NUP93: variants seen among roughly 807,000 people sequenced by gnomAD.
NUP93 encodes nucleoporin 93.
NUP93 carries 55 observed loss-of-function variants against 107.8 expected under a neutral mutation model. The observed-to-expected ratio is 0.51, with a 90% CI of 0.41 to 0.64. The LOEUF is 0.64. NUP93 is among the 30% of genes least tolerant of loss of function. The pLI is 0.00. For missense variants in NUP93, 937 were observed against 1,044.7 expected, an observed-to-expected ratio of 0.90 and a Z score of 1.42; for synonymous variants, 390 against 397.5, an observed-to-expected ratio of 0.98 and a Z score of 0.22.
At chr16:56,733,976 C>G (rs1335998280) in intron 1 of NUP93, among the ~76,000 whole-genome samples, 1 of 152,230 alleles carries the variant, frequency 6.6e-6, no homozygotes, top group Non-Finnish European at 1.5e-5. Context: ...TTATAGTCTT[C>G]TCTTCCTTCC....
At chr16:56,830,345 T>G (rs991516853) in intron 9 of NUP93, among the ~76,000 whole-genome samples, 183 bp from the exon 10 acceptor site, 1 of 152,178 alleles carries the variant, frequency 6.6e-6, no homozygotes, top group African/African-American at 2.4e-5. Flanking sequence ...ACTTAACCCC[T>G]CCATGCCTCA....
intron 10 of NUP93, among the ~76,000 whole-genome samples, chr16:56,831,310 A>C (rs1963781756): frequency 6.6e-6 from 1 of 152,214 alleles, no homozygotes. Context: ...CTTGTGAAAA[A>C]CTAGGATACT....
intron 3 of NUP93, among the ~76,000 whole-genome samples, chr16:56,778,763 G>A (rs1221999766): frequency 6.6e-6 from 1 of 152,178 alleles, no homozygotes; most frequent in East Asian, 1.9e-4. Flanking sequence ...TGATGTTCTG[G>A]TAAGCTATCA....
chr16:56,734,509 GC>G (rs1207745454), intron 1 of NUP93, among the ~76,000 whole-genome samples: 1 of 152,190 alleles, frequency 6.6e-6, no homozygotes, highest in African/African-American at 2.4e-5. Flanking sequence ...AGTGACGGGG[GC>G]TATTGAAGGT....
intron 1 of NUP93, chr16:56,741,004 G>GGGGAGA (rs762587890): frequency 0.37 from 54,411 of 145,190 alleles, 10,172 homozygotes; most frequent in East Asian, 0.54. Flanking sequence ...GGGAGACCGT[G>GGGGAGA]GGGAGAGGGA....
intron 6 of NUP93, among the ~76,000 whole-genome samples, chr16:56,820,874 C>A (rs1399455722): frequency 6.6e-6 from 1 of 152,160 alleles, no homozygotes; most frequent in Non-Finnish European, 1.5e-5. Flanking sequence ...TTAACTAGTT[C>A]TAAATCTAGA....
At chr16:56,751,196 A>G (rs9938244) in intron 2 of NUP93, among the ~76,000 whole-genome samples, 47,008 of 151,850 alleles carry the variant, frequency 0.31, 7,617 homozygotes, top group East Asian at 0.46. Context: ...AAAAGCCAGT[A>G]GTCACTCTTT....
intron 19 of NUP93, 139 bp from the exon 20 acceptor site, chr16:56,839,382 A>G: frequency 1.7e-6 from 1 of 589,556 alleles, no homozygotes; most frequent in Non-Finnish European, 2.9e-6. Flanking sequence ...GTTAGAATCA[A>G]AGCCTTTGTG....
intron 3 of NUP93, among the ~76,000 whole-genome samples, chr16:56,779,481 G>A (rs1283756442): frequency 1.1e-4 from 17 of 152,218 alleles, no homozygotes; most frequent in African/African-American, 3.9e-4. Flanking sequence ...TTTAGGAATA[G>A]ATCACTTTAT....
chr16:56,839,662 T>G (rs1361625222), intron 20 of NUP93, 58 bp downstream of exon 20: 5 of 1,364,662 alleles, frequency 3.7e-6, no homozygotes, highest in South Asian at 1.2e-5. Flanking sequence ...ACCAAAAGCT[T>G]TTTCTTTTCC....
intron 4 of NUP93, among the ~76,000 whole-genome samples, chr16:56,800,043 T>C (rs1485473330): frequency 1.3e-5 from 2 of 152,002 alleles, no homozygotes; most frequent in Admixed American, 1.3e-4. Flanking sequence ...ATTAGCCAGG[T>C]GTGGTGGCGC....
chr16:56,790,253 A>G (rs1432742113), intron 3 of NUP93, among the ~76,000 whole-genome samples: 1 of 152,200 alleles, frequency 6.6e-6, no homozygotes, highest in Non-Finnish European at 1.5e-5. Context: ...CTGACGTTTT[A>G]TATATTCTTA....
intron 3 of NUP93, among the ~76,000 whole-genome samples, chr16:56,779,158 G>C (rs1249441521): frequency 1.3e-5 from 2 of 152,180 alleles, no homozygotes; most frequent in Non-Finnish European, 2.9e-5. Context: ...AGACAGAGCA[G>C]AGCCCACCAA....
chr16:56,812,340 AGTTGTTTTTTTTTCTTTTTTT>A (rs1193896871), intron 5 of NUP93, among the ~76,000 whole-genome samples: 1 of 151,672 alleles, frequency 6.6e-6, no homozygotes, highest in African/African-American at 2.4e-5. Flanking sequence ...GTTCCTAGCA[AGTTGTTTTTTTTTCTTTTTTT>A]GAGACAGAGT....
At chr16:56,824,329 C>T (rs1458312982) in intron 8 of NUP93, among the ~76,000 whole-genome samples, 1 of 152,112 alleles carries the variant, frequency 6.6e-6, no homozygotes, top group Non-Finnish European at 1.5e-5. Context: ...GCTGATAATG[C>T]CTGTGATTTA....
intron 3 of NUP93, among the ~76,000 whole-genome samples, chr16:56,784,064 G>A (rs979369242): frequency 5.9e-5 from 9 of 152,168 alleles, no homozygotes; most frequent in African/African-American, 1.9e-4. Context: ...AATAGGTTTT[G>A]TGAGTGATTT....
rs548436420 is a variant in NUP93, at chr16:56,777,240, T to G, written c.297+18585T>G. Reference sequence around the variant, plus strand: ...TGGGGAACTACTTCTTGAAAACACATTTAAAATGGAAATCTTACTTCTGAA... The same window carrying G: ...TGGGGAACTACTTCTTGAAAACACAGTTAAAATGGAAATCTTACTTCTGAA... On this transcript the variant is annotated intron_variant, in intron 3 of 21. Transcript: ENST00000308159. Among the ~76,000 whole-genome samples, 5 of 152,316 alleles carry G rather than the reference T, an allele frequency of 3.3e-5. No individual in the cohort carries two copies. The East Asian group carries it at 9.6e-4, about 29-fold the overall frequency.
chr16:56,747,523 T>C (rs1961840319), intron 1 of NUP93, among the ~76,000 whole-genome samples: 2 of 151,174 alleles, frequency 1.3e-5, no homozygotes, highest in Admixed American at 1.3e-4. Flanking sequence ...AGATAAAGAA[T>C]GTGTGAATGG....
intron 3 of NUP93, chr16:56,782,783 A>C (rs999007282): frequency 1.3e-5 from 2 of 152,144 alleles, no homozygotes; most frequent in Non-Finnish European, 2.9e-5. Flanking sequence ...TCTCACAGGA[A>C]ATGTTTTAGC....
Sources: gnomAD v4.1 joint callset for allele counts (sites outside exome capture counted in the v4.1 genomes callset) on GRCh38, gnomAD v4.1.1 for gene constraint, MANE v1.5 for transcripts, NCBI Gene and HGNC (gene_info 2026-07-23, HGNC 2026-07-21) for gene names.